The following TPTE variants were observed in gnomAD, a reference collection of about 807,000 sequenced individuals.
TPTE encodes the protein transmembrane phosphatase with tensin homology, also known as putative tyrosine-protein phosphatase TPTE.
A neutral mutation model predicts 84.1 loss-of-function variants in TPTE; 59 were observed. The ratio of observed to expected loss-of-function variants is 0.70; its 90% CI spans 0.57 to 0.87. TPTE has a LOEUF of 0.87. Among genes scored for constraint, TPTE ranks in the 40% least tolerant of loss-of-function variants. The pLI is 0.00. For missense variants in TPTE, 382 were observed against 659.6 expected, an observed-to-expected ratio of 0.58 and a Z score of 4.61; for synonymous variants, 130 against 223.5, an observed-to-expected ratio of 0.58 and a Z score of 3.73.
intron 8 of TPTE, among the ~76,000 whole-genome samples, chr21:10,556,962 G>A (rs541537110): frequency 2.3e-3 from 350 of 152,290 alleles, no homozygotes; most frequent in African/African-American, 7.7e-3. Flanking sequence ...CAGATGAGTA[G>A]ATTCCAAAAA....
At chr21:10,545,346 G>GA (rs1205196803) in intron 7 of TPTE, among the ~76,000 whole-genome samples, 1 of 152,296 alleles carries the variant, frequency 6.6e-6, no homozygotes, top group African/African-American at 2.4e-5. Context: ...TTTCTTCTAG[G>GA]AAAAAATGAT....
At chr21:10,560,040 A>G (rs1404352981) in intron 9 of TPTE, among the ~76,000 whole-genome samples, 8 of 152,304 alleles carry the variant, frequency 5.3e-5, no homozygotes, top group African/African-American at 1.9e-4. Flanking sequence ...GCCCCATCTA[A>G]TGTAATCTAA....
At chr21:10,522,091 G>C (rs534469720) in intron 1 of TPTE, among the ~76,000 whole-genome samples, 1 of 152,044 alleles carries the variant, frequency 6.6e-6, no homozygotes, top group Non-Finnish European at 1.5e-5. Flanking sequence ...GCGCCCGCCC[G>C]GTCCTGCGGA....
intron 8 of TPTE, among the ~76,000 whole-genome samples, chr21:10,557,192 T>TTATAA (rs1568971471): frequency 6.6e-6 from 1 of 152,306 alleles, no homozygotes; most frequent in African/African-American, 2.4e-5. Flanking sequence ...AGGCTATGCT[T>TTATAA]CGTGTTGCTT....
Position 10,527,609 on chromosome 21 carries a change from A to ACT in TPTE, c.-44+197_-44+198insCT, listed in dbSNP as rs2074103230. On this transcript the variant is annotated intron_variant, in intron 3 of 23. Coordinates refer to ENST00000618007, the MANE Select transcript of TPTE (RefSeq NM_199261.4). Reference sequence around the variant, plus strand: ...AGTAATTAGCAGCCAAAACCTTAGGAAACTATCAGAATGCCTGTGTATGAG... The same window carrying ACT: ...AGTAATTAGCAGCCAAAACCTTAGGACTAACTATCAGAATGCCTGTGTATGAG... Among the ~76,000 whole-genome samples the ACT allele has an allele frequency of 3.3e-5, 5 of 152,426 alleles. No individual in the cohort carries two copies. In the South Asian group the frequency reaches 1.0e-3, roughly 32 times the overall value.
chr21:10,567,942 T>A (rs1192897772), intron 11 of TPTE, among the ~76,000 whole-genome samples, 153 bp downstream of exon 11: 1 of 152,280 alleles, frequency 6.6e-6, no homozygotes, highest in South Asian at 2.1e-4. Flanking sequence ...AATTCCCACA[T>A]ACTTTGAAAC....
intron 3 of TPTE, among the ~76,000 whole-genome samples, chr21:10,530,529 T>C (rs563656842): frequency 9.2e-5 from 14 of 152,420 alleles, no homozygotes; most frequent in African/African-American, 3.1e-4. Context: ...TTGTTGCTTT[T>C]AACTGGTATG....
chr21:10,564,500 A>G (rs1314573868), intron 10 of TPTE, among the ~76,000 whole-genome samples: 2 of 152,312 alleles, frequency 1.3e-5, no homozygotes, highest in African/African-American at 4.8e-5. Flanking sequence ...ACAGAGTGAG[A>G]TTCAGTCTCA....
intron 3 of TPTE, among the ~76,000 whole-genome samples, chr21:10,528,901 T>G (rs1347909837): frequency 6.6e-6 from 1 of 152,308 alleles, no homozygotes; most frequent in Non-Finnish European, 1.5e-5. Flanking sequence ...CAAAAGTGTT[T>G]TCTGGCTGGG....
chr21:10,566,094 T>C (rs574631221), intron 10 of TPTE, among the ~76,000 whole-genome samples: 4 of 152,308 alleles, frequency 2.6e-5, no homozygotes, highest in Non-Finnish European at 5.9e-5. Flanking sequence ...GGAGAAAATA[T>C]TTGCAAACTA....
chr21:10,603,411 GAGTGTATTGTTATAGATTGC>G (rs1978831459), intron 22 of TPTE, 131 bp from the exon 23 acceptor site: 1 of 775,012 alleles, frequency 1.3e-6, no homozygotes, highest in Non-Finnish European at 2.0e-6. Context: ...TTTGTGTCTT[GAGTGTATTGTTATAGATTGC>G]AGAGTGCCAC....
chr21:10,559,179 A>G (rs2074743395), intron 8 of TPTE, among the ~76,000 whole-genome samples: 1 of 152,310 alleles, frequency 6.6e-6, no homozygotes, highest in African/African-American at 2.4e-5. Context: ...TTCTGTCTTC[A>G]TGCTATACTC....
intron 7 of TPTE, among the ~76,000 whole-genome samples, chr21:10,547,034 A>C (rs924326559): frequency 6.6e-6 from 1 of 152,310 alleles, no homozygotes; most frequent in African/African-American, 2.4e-5. Context: ...ATATTTAGAG[A>C]GGAGAAGTCA....
intron 5 of TPTE, among the ~76,000 whole-genome samples, chr21:10,541,596 T>G (rs2074370776): frequency 6.6e-6 from 1 of 152,310 alleles, no homozygotes; most frequent in Non-Finnish European, 1.5e-5. Flanking sequence ...TGACACAGGT[T>G]CTTTATCATC....
intron 7 of TPTE, among the ~76,000 whole-genome samples, chr21:10,550,087 G>C (rs556111149): frequency 6.6e-6 from 1 of 152,290 alleles, no homozygotes; most frequent in African/African-American, 2.4e-5. Context: ...AAATGAAGAA[G>C]ACATAAAATC....
chr21:10,538,810 A>T, intron 4 of TPTE, 76 bp downstream of exon 4: 1 of 1,613,728 alleles, frequency 6.2e-7, no homozygotes, highest in South Asian at 1.1e-5. Context: ...ACAGGCACAT[A>T]AACAAATATA....
At position 10,559,503 on chromosome 21, in the gene TPTE, TAAG is replaced by T; in HGVS notation, c.246_248del (p.Lys83del). The T allele has an allele frequency of 1.2e-6, 2 of 1,612,092 alleles. No individual in the cohort carries two copies. The highest frequency in any genetic ancestry group is 1.7e-6 in the Non-Finnish European group (2 of 1,179,860). ...TTACTTCTTTTTGCAGCAGCAAGAT[TAAG>T]AAAATTGTGCATTCAATTGTATCAT... On this transcript the variant is annotated inframe_deletion, in exon 9 of 24. Coordinates refer to ENST00000618007, the MANE Select transcript of TPTE (RefSeq NM_199261.4).
chr21:10,539,885 T>TGTAGTCCCTG (rs2074336328), intron 4 of TPTE, among the ~76,000 whole-genome samples: 1 of 152,310 alleles, frequency 6.6e-6, no homozygotes, highest in Non-Finnish European at 1.5e-5. Context: ...GGCAGGCACC[T>TGTAGTCCCTG]GTAGTCCCTG....
chr21:10,556,837 C>T (rs1321062598), intron 8 of TPTE, among the ~76,000 whole-genome samples: 1 of 152,302 alleles, frequency 6.6e-6, no homozygotes, highest in African/African-American at 2.4e-5. Flanking sequence ...GCATAAATGT[C>T]TTCTTTTGAG....
Sources: allele counts gnomAD v4.1 joint callset (sites outside exome capture counted in the v4.1 genomes callset), GRCh38; gene constraint gnomAD v4.1.1; transcripts MANE v1.5; gene names NCBI Gene and HGNC (gene_info 2026-07-23, HGNC 2026-07-21).